The following PCDH9 variants were observed in gnomAD, a reference collection of about 807,000 sequenced individuals.
PCDH9 encodes protocadherin-9.
PCDH9 carries 24 observed loss-of-function variants against 70.6 expected under a neutral mutation model. The observed-to-expected ratio is 0.34, with a 90% CI of 0.25 to 0.48. The LOEUF is 0.48. Ranked by LOEUF, PCDH9 falls within the 20% of genes least tolerant of loss-of-function variation. The pLI, the probability that PCDH9 is intolerant of heterozygous loss-of-function variation, is 0.99. For missense variants in PCDH9, 1,281 were observed against 1,503.6 expected (o/e 0.85, Z 2.45); for synonymous variants, 562 against 558.5 (o/e 1.01, Z -0.09).
intron 4 of PCDH9, among the ~76,000 whole-genome samples, chr13:66,410,750 T>A (rs1271957929): frequency 6.6e-6 from 1 of 152,326 alleles, no homozygotes; most frequent in East Asian, 1.9e-4. Flanking sequence ...ATTCTTTTTG[T>A]CCTACAAGTT....
At chr13:66,550,305 T>A (rs1961427713) in intron 4 of PCDH9, among the ~76,000 whole-genome samples, 1 of 152,036 alleles carries the variant, frequency 6.6e-6, no homozygotes, top group Non-Finnish European at 1.5e-5. Context: ...ATACTTAGTA[T>A]TTATATCAAA....
intron 4 of PCDH9, among the ~76,000 whole-genome samples, chr13:66,620,566 T>C (rs2138898889): frequency 6.6e-6 from 1 of 152,292 alleles, no homozygotes; most frequent in South Asian, 2.1e-4. Flanking sequence ...ATCTATAGAA[T>C]CTTTATTGAT....
intron 2 of PCDH9, among the ~76,000 whole-genome samples, chr13:66,947,485 A>G (rs535380580): frequency 6.6e-6 from 1 of 152,288 alleles, no homozygotes; most frequent in African/African-American, 2.4e-5. Context: ...TACAAGTCAG[A>G]AAACTATTGT....
chr13:66,673,952 C>T (rs1566497110), intron 3 of PCDH9, among the ~76,000 whole-genome samples: 1 of 152,040 alleles, frequency 6.6e-6, no homozygotes, highest in Non-Finnish European at 1.5e-5. Flanking sequence ...ACAAAATTAG[C>T]TTATGATATC....
intron 4 of PCDH9, among the ~76,000 whole-genome samples, chr13:66,392,205 AT>A (rs988680532): frequency 1.3e-5 from 2 of 151,888 alleles, no homozygotes; most frequent in African/African-American, 4.8e-5. Context: ...AAAAATATGT[AT>A]TTTTTTAAAG....
chr13:67,061,879 A>G (rs2085545989), intron 2 of PCDH9, among the ~76,000 whole-genome samples: 1 of 152,144 alleles, frequency 6.6e-6, no homozygotes, highest in Non-Finnish European at 1.5e-5. Flanking sequence ...ATCCAAAGGC[A>G]AAAGGACTGA....
chr13:66,908,933 T>C (rs1195699871), intron 2 of PCDH9, among the ~76,000 whole-genome samples: 1 of 152,168 alleles, frequency 6.6e-6, no homozygotes, highest in East Asian at 1.9e-4. Flanking sequence ...TATCATAGAA[T>C]TGTAGATGGC....
intron 4 of PCDH9, among the ~76,000 whole-genome samples, chr13:66,495,019 AAAGG>A (rs1368083366): frequency 1.3e-5 from 2 of 152,106 alleles, no homozygotes; most frequent in African/African-American, 4.8e-5. Context: ...AGGAAGGAAT[AAAGG>A]AAGAAGGGAA....
intron 3 of PCDH9, among the ~76,000 whole-genome samples, chr13:66,795,566 T>C (rs947778894): frequency 1.3e-5 from 2 of 152,146 alleles, no homozygotes; most frequent in Non-Finnish European, 2.9e-5. Flanking sequence ...ATATGATGCT[T>C]CCTGATTAGG....
chr13:66,426,054 G>C (rs1415138639), intron 4 of PCDH9, among the ~76,000 whole-genome samples: 1 of 151,570 alleles, frequency 6.6e-6, no homozygotes, highest in Non-Finnish European at 1.5e-5. Flanking sequence ...AAGCCGATAG[G>C]TACTGATAAG....
At chr13:66,876,565 TG>T (rs1486665936) in intron 3 of PCDH9, among the ~76,000 whole-genome samples, 3 of 152,182 alleles carry the variant, frequency 2.0e-5, no homozygotes, top group African/African-American at 7.2e-5. Context: ...GTCAGATATT[TG>T]ATTTTTGTTT....
intron 3 of PCDH9, among the ~76,000 whole-genome samples, chr13:66,724,898 T>G (rs143313992): frequency 1.3e-5 from 2 of 152,306 alleles, no homozygotes; most frequent in African/African-American, 4.8e-5. Context: ...TCTGAATTAA[T>G]GGCCTCTTTT....
intron 2 of PCDH9, among the ~76,000 whole-genome samples, chr13:67,032,179 G>A (rs962683751): frequency 5.9e-5 from 9 of 152,014 alleles, no homozygotes; most frequent in African/African-American, 1.9e-4. Flanking sequence ...GGCCTTACTC[G>A]GTCACCCAGG....
At chr13:66,906,090 C>A (rs2082355415) in intron 2 of PCDH9, among the ~76,000 whole-genome samples, 1 of 152,110 alleles carries the variant, frequency 6.6e-6, no homozygotes, top group South Asian at 2.1e-4. Flanking sequence ...AGCCCTGAAA[C>A]AATACATGAA....
intron 2 of PCDH9, among the ~76,000 whole-genome samples, chr13:66,908,905 G>T (rs190551903): frequency 2.5e-3 from 382 of 152,190 alleles, no homozygotes; most frequent in Middle Eastern, 6.8e-3. Context: ...AAAACCAAAT[G>T]TTATATAAAT....
At chr13:66,636,466 A>G (rs2077638852) in intron 3 of PCDH9, among the ~76,000 whole-genome samples, 2 of 152,136 alleles carry the variant, frequency 1.3e-5, no homozygotes, top group African/African-American at 4.8e-5. Flanking sequence ...TAACAACATG[A>G]ATCTAGCACT....
intron 2 of PCDH9, among the ~76,000 whole-genome samples, chr13:67,182,425 T>C (rs993645724): frequency 5.9e-5 from 9 of 152,172 alleles, no homozygotes; most frequent in African/African-American, 1.9e-4. Flanking sequence ...AATCTCACCA[T>C]TCTTTACCAC....
intron 4 of PCDH9, among the ~76,000 whole-genome samples, chr13:66,349,643 G>C (rs1312382162): frequency 6.6e-6 from 1 of 152,138 alleles, no homozygotes; most frequent in Non-Finnish European, 1.5e-5. Context: ...GGGGCAATAG[G>C]AGACAGCACT....
At chr13:66,672,666 A>G (rs896846496) in intron 3 of PCDH9, among the ~76,000 whole-genome samples, 1 of 152,272 alleles carries the variant, frequency 6.6e-6, no homozygotes, top group Middle Eastern at 3.4e-3. Flanking sequence ...GGGGGGCTGT[A>G]CTCTGCAAAG....
Sources: gnomAD v4.1 joint callset for allele counts (sites outside exome capture counted in the v4.1 genomes callset) on GRCh38, gnomAD v4.1.1 for gene constraint, MANE v1.5 for transcripts, NCBI Gene and HGNC (gene_info 2026-07-23, HGNC 2026-07-21) for gene names.